Variants in PPME1 observed in about 807,000 individuals in gnomAD.
PPME1 encodes testicular secretory protein Li 39.
A neutral mutation model predicts 56.9 loss-of-function variants in PPME1; 17 were observed. That is an observed-to-expected ratio of 0.30 (90% CI 0.20 to 0.45). PPME1 has a LOEUF of 0.45. Ranked by LOEUF, PPME1 falls within the 20% of genes least tolerant of loss-of-function variation. PPME1 has a pLI of 1.00. For missense variants in PPME1, 357 were observed against 483.2 expected, an observed-to-expected ratio of 0.74 and a Z score of 2.45; for synonymous variants, 122 against 156.2, an observed-to-expected ratio of 0.78 and a Z score of 1.63.
chr11:74,172,705 A>G (rs1377509687), intron 1 of PPME1, among the ~76,000 whole-genome samples: 3 of 152,142 alleles, frequency 2.0e-5, no homozygotes, highest in Non-Finnish European at 4.4e-5. Context: ...TTGAGGGGAT[A>G]TTTGTAGTTT....
At chr11:74,181,577 T>C (rs1361625876) in intron 1 of PPME1, among the ~76,000 whole-genome samples, 2 of 152,240 alleles carry the variant, frequency 1.3e-5, no homozygotes, top group Non-Finnish European at 2.9e-5. Context: ...ACTCCTGTAG[T>C]GCAAGGACCT....
At chr11:74,200,444 C>A (rs1404043200) in intron 1 of PPME1, among the ~76,000 whole-genome samples, 1 of 151,220 alleles carries the variant, frequency 6.6e-6, no homozygotes, top group South Asian at 2.1e-4. Context: ...GGCAGTGGCA[C>A]GATTTTGACT....
intron 11 of PPME1, chr11:74,250,418 C>G (rs1859625853): frequency 6.5e-6 from 1 of 153,514 alleles, no homozygotes. Flanking sequence ...ATTTTGAATC[C>G]TTAACATAGC....
chr11:74,252,697 G>A (rs749526590), intron 13 of PPME1: 8 of 342,040 alleles, frequency 2.3e-5, no homozygotes, highest in South Asian at 1.4e-4. Flanking sequence ...TCCCACACAC[G>A]GTTTTGACAA....
At chr11:74,177,977 T>C (rs982118513) in intron 1 of PPME1, among the ~76,000 whole-genome samples, 1 of 152,224 alleles carries the variant, frequency 6.6e-6, no homozygotes, top group Non-Finnish European at 1.5e-5. Context: ...CAAACTCACA[T>C]TAGCAACATT....
Position 74,230,176 on chromosome 11 carries a change from T to C in PPME1, c.399-69T>C. On this transcript the variant is annotated intron_variant, in intron 5 of 13. Coordinates refer to ENST00000328257, the MANE Select transcript of PPME1 (RefSeq NM_016147.3). This position sits in a 1 kb window ranked among gnomAD's most constrained non-coding sequence, Gnocchi z 4.9. ...ACTGTTACACACCAAAGAAAGGAAC[T>C]GGGAAAGAAAACCATTTTTACAGTG... 4.6e-6 allele frequency: 7 copies of C among 1,507,626 alleles called. No individual in the cohort carries two copies. The highest frequency in any genetic ancestry group is 6.3e-6 in the Non-Finnish European group (7 of 1,117,844). 93.4% of individuals were successfully genotyped at this position (1,507,626 alleles called of 1,614,324 possible). A position where few individuals can be genotyped will look rare whatever the true frequency, so the allele number is the denominator to read the frequency against.
At chr11:74,243,987 T>C (rs1859444076) in intron 9 of PPME1, among the ~76,000 whole-genome samples, 1 of 152,188 alleles carries the variant, frequency 6.6e-6, no homozygotes, top group African/African-American at 2.4e-5. Context: ...TTTCTATGAA[T>C]TTGACTATTT....
intron 11 of PPME1, 135 bp from the exon 12 acceptor site, chr11:74,250,819 G>C: frequency 1.5e-6 from 1 of 680,582 alleles, no homozygotes; most frequent in South Asian, 1.8e-5. Flanking sequence ...AGCAAGACTT[G>C]ATAATTGGGT....
At chr11:74,245,935 G>A (rs142325806) in intron 9 of PPME1, 141 bp from the exon 10 acceptor site, 10,734 of 829,454 alleles carry the variant, frequency 0.013, 117 homozygotes, top group African/African-American at 0.031. Context: ...AGGATTGAAT[G>A]TATATTAAAA....
Position 74,190,040 on chromosome 11 carries a change from A to G in PPME1, c.102-13688A>G, listed in dbSNP as rs538116093. On this transcript the variant is annotated intron_variant, in intron 1 of 13. Coordinates refer to ENST00000328257, the MANE Select transcript of PPME1 (RefSeq NM_016147.3). ...ACTTTTTGAGTGCTGACATGACACA[A>G]GTCAAAACAGAGCAAGAAATGATGT... Among the ~76,000 whole-genome samples, 40 of 152,358 alleles carry G rather than the reference A, an allele frequency of 2.6e-4. 1 individual carries two copies. The South Asian group carries it at 8.1e-3, about 31-fold the overall frequency.
chr11:74,239,440 A>C (rs1859289966), intron 9 of PPME1, among the ~76,000 whole-genome samples, 184 bp downstream of exon 9: 1 of 152,142 alleles, frequency 6.6e-6, no homozygotes, highest in Non-Finnish European at 1.5e-5. Flanking sequence ...AGCTCTGACC[A>C]ATTGGAACAT....
chr11:74,251,214 G>T, intron 12 of PPME1, 196 bp downstream of exon 12: 1 of 1,417,978 alleles, frequency 7.1e-7, no homozygotes, highest in East Asian at 2.5e-5. Flanking sequence ...ATGTGCTGAG[G>T]AGCTACTGAC....
intron 8 of PPME1, 45 bp downstream of exon 8, chr11:74,236,011 T>C: frequency 6.3e-7 from 1 of 1,597,034 alleles, no homozygotes; most frequent in Non-Finnish European, 8.5e-7. Flanking sequence ...GGCGGAAACA[T>C]GGTGAGGGAA....
chr11:74,185,252 C>T (rs949494226), intron 1 of PPME1, among the ~76,000 whole-genome samples: 91 of 152,150 alleles, frequency 6.0e-4, no homozygotes, highest in Admixed American at 5.8e-3. Flanking sequence ...CCCACCTTGG[C>T]CTCCCAAAGT....
At chr11:74,208,798 T>A (rs1181561731) in intron 3 of PPME1, among the ~76,000 whole-genome samples, 1 of 152,186 alleles carries the variant, frequency 6.6e-6, no homozygotes, top group African/African-American at 2.4e-5. Context: ...AGAGAGGACA[T>A]CTGAAATGGT....
Position 74,201,357 on chromosome 11 carries a change from T to G in PPME1, c.102-2371T>G, listed in dbSNP as rs193245575. On this transcript the variant is annotated intron_variant, in intron 1 of 13. Transcript: ENST00000328257. ...TTCTCCTGTGAATAATTTCTACTTA[T>G]AGGAAGTAAGTTTTAACTGGTACCT... Among the ~76,000 whole-genome samples the G allele has an allele frequency of 1.3e-3, 185 of 147,798 alleles. 1 individual carries two copies. The Middle Eastern group carries it at 0.024, about 19-fold the overall frequency.
At chr11:74,181,211 A>T (rs1857527420) in intron 1 of PPME1, among the ~76,000 whole-genome samples, 1 of 146,754 alleles carries the variant, frequency 6.8e-6, no homozygotes, top group African/African-American at 2.5e-5. Flanking sequence ...CGCCCGGCTA[A>T]TTTTTTTTTT....
intron 3 of PPME1, among the ~76,000 whole-genome samples, chr11:74,218,701 CAGA>C (rs1858719586): frequency 6.6e-6 from 1 of 152,088 alleles, no homozygotes; most frequent in South Asian, 2.1e-4. Flanking sequence ...TATCCATATA[CAGA>C]AGAATGAAAC....
intron 5 of PPME1, among the ~76,000 whole-genome samples, chr11:74,229,333 A>T (rs905011644): frequency 5.9e-5 from 9 of 151,864 alleles, no homozygotes; most frequent in Non-Finnish European, 1.0e-4. Context: ...CTAGCCTAAA[A>T]ATATATATAT....
Sources: allele counts gnomAD v4.1 joint callset (sites outside exome capture counted in the v4.1 genomes callset), GRCh38; gene constraint gnomAD v4.1.1; non-coding constraint Gnocchi (gnomAD v3.1); transcripts MANE v1.5; gene names NCBI Gene and HGNC (gene_info 2026-07-23, HGNC 2026-07-21).